The following RNF150 variants were observed in gnomAD, a reference collection of about 807,000 sequenced individuals.
The protein encoded by RNF150 is ring finger protein 150.
RNF150 carries 24 observed loss-of-function variants against 39.3 expected under a neutral mutation model. The observed-to-expected ratio is 0.61, with a 90% CI of 0.44 to 0.86. The LOEUF (loss-of-function observed/expected upper bound fraction) is 0.86. Ranked by LOEUF, RNF150 falls within the 40% of genes least tolerant of loss-of-function variation. The pLI is 0.00. For missense variants in RNF150, 502 were observed against 587.8 expected, an observed-to-expected ratio of 0.85 and a Z score of 1.51; for synonymous variants, 255 against 227.3, an observed-to-expected ratio of 1.12 and a Z score of -1.10.
At chr4:141,105,481 C>T (rs1237273625) in intron 1 of RNF150, among the ~76,000 whole-genome samples, 3 of 152,148 alleles carry the variant, frequency 2.0e-5, no homozygotes, top group Non-Finnish European at 4.4e-5. Context: ...TTTCCTCTAA[C>T]CAAAATGTTC....
chr4:140,995,225 T>G (rs529011627), intron 1 of RNF150, among the ~76,000 whole-genome samples: 123 of 152,230 alleles, frequency 8.1e-4, no homozygotes, highest in Non-Finnish European at 1.6e-3. Context: ...AGCCCAGGAA[T>G]GTTCTTGGCT....
chr4:140,950,712 A>G (rs1732509081), intron 2 of RNF150, among the ~76,000 whole-genome samples: 1 of 152,228 alleles, frequency 6.6e-6, no homozygotes, highest in Non-Finnish European at 1.5e-5. Context: ...GCCAATCAGA[A>G]TCACTAAGTA....
chr4:141,117,336 T>C (rs982279226), intron 1 of RNF150, among the ~76,000 whole-genome samples: 3 of 152,204 alleles, frequency 2.0e-5, no homozygotes, highest in African/African-American at 7.2e-5. Flanking sequence ...GGAAACAATG[T>C]TTCCAGACAG....
chr4:141,139,108 G>C (rs934479584), intron 1 of RNF150, among the ~76,000 whole-genome samples: 2 of 152,150 alleles, frequency 1.3e-5, no homozygotes, highest in Non-Finnish European at 2.9e-5. Flanking sequence ...CCAACTGCTT[G>C]GGAGGCTGAA....
At chr4:140,930,861 T>C (rs1345107486) in intron 4 of RNF150, among the ~76,000 whole-genome samples, 1 of 152,112 alleles carries the variant, frequency 6.6e-6, no homozygotes, top group African/African-American at 2.4e-5. Context: ...GACAAGGCCC[T>C]GCCCTTTAAG....
At chr4:140,912,192 T>C (rs1432038658) in intron 5 of RNF150, among the ~76,000 whole-genome samples, 1 of 152,232 alleles carries the variant, frequency 6.6e-6, no homozygotes, top group Non-Finnish European at 1.5e-5. Context: ...AGTTTTACTC[T>C]TTTATCTCAG....
At position 140,946,520 on chromosome 4, in the gene RNF150, G is replaced by A. The variant is rs192650843; in HGVS notation, c.890+1134C>T. Among the ~76,000 whole-genome samples, 240 of 151,964 alleles carry A rather than the reference G, an allele frequency of 1.6e-3. 2 individuals carry two copies. The highest frequency in any genetic ancestry group is 5.3e-3 in the African/African-American group (221 of 41,450). ...ACAAGGTCTCGCTGTCGCCCAGTGC[G>A]GTGGTGTGATCACTGGAGTGTAGTG... On this transcript the variant is annotated intron_variant, in intron 4 of 6. Coordinates refer to ENST00000515673, the MANE Select transcript of RNF150 (RefSeq NM_020724.2).
intron 6 of RNF150, among the ~76,000 whole-genome samples, chr4:140,878,443 G>A (rs1054788389): frequency 3.3e-5 from 5 of 152,014 alleles, no homozygotes; most frequent in African/African-American, 1.2e-4. Flanking sequence ...AAAGTGCTGG[G>A]ATTACAGGCG....
chr4:141,057,385 A>G (rs1737023035), intron 1 of RNF150, among the ~76,000 whole-genome samples: 1 of 152,048 alleles, frequency 6.6e-6, no homozygotes, highest in Non-Finnish European at 1.5e-5. Flanking sequence ...TATCAGCAAA[A>G]AGGTTCATGG....
upstream of RNF150, among the ~76,000 whole-genome samples, chr4:141,136,722 G>C (rs1250543803): frequency 6.6e-6 from 1 of 152,164 alleles, no homozygotes; most frequent in Non-Finnish European, 1.5e-5. Flanking sequence ...AAACAAAACA[G>C]ATAAGATTCT....
intron 3 of RNF150, 38 bp downstream of exon 3, chr4:140,949,263 A>G: frequency 6.5e-7 from 1 of 1,530,748 alleles, no homozygotes; most frequent in Non-Finnish European, 9.0e-7. Flanking sequence ...AGCTTCTTTG[A>G]ATAGCTCCTC....
upstream of RNF150, among the ~76,000 whole-genome samples, chr4:141,136,959 G>A (rs1363119785): frequency 6.6e-6 from 1 of 152,146 alleles, no homozygotes; most frequent in Non-Finnish European, 1.5e-5. Context: ...TTGGGGGACT[G>A]GTTTTACCAG....
At chr4:140,972,246 T>A (rs973958837) in intron 1 of RNF150, among the ~76,000 whole-genome samples, 2 of 152,164 alleles carry the variant, frequency 1.3e-5, no homozygotes, top group Admixed American at 1.3e-4. Context: ...GAAATTATTT[T>A]AAAAACTGCA....
At chr4:140,948,389 A>C (rs1732406624) in intron 3 of RNF150, among the ~76,000 whole-genome samples, 4 of 152,036 alleles carry the variant, frequency 2.6e-5, no homozygotes, top group African/African-American at 9.7e-5. Flanking sequence ...TGGAGTTGTA[A>C]ATCCCTTACA....
At chr4:140,989,209 AT>A (rs1734112331) in intron 1 of RNF150, among the ~76,000 whole-genome samples, 1 of 152,166 alleles carries the variant, frequency 6.6e-6, no homozygotes, top group Non-Finnish European at 1.5e-5. Context: ...TGTCTGGCAC[AT>A]CCCTGTTGGA....
chr4:140,868,221 C>T lies in RNF150; in HGVS notation c.*40G>A. 8.5e-7 allele frequency: 1 copy of T among 1,175,566 alleles called. No individual in the cohort carries two copies. Among genetic ancestry groups the T allele is most frequent in the Non-Finnish European group, 1.3e-6 (1 of 780,618 alleles). 72.8% of individuals were successfully genotyped at this position (1,175,566 alleles called of 1,614,324 possible). Reference sequence around the variant, plus strand: ...CTTGGAGCACTCTTCCCTTCCTTTCCCTTGGGTCCTACTATCTCTTTGCTT... The same window carrying T: ...CTTGGAGCACTCTTCCCTTCCTTTCTCTTGGGTCCTACTATCTCTTTGCTT... On this transcript the variant is annotated 3_prime_UTR_variant, in exon 7 of 7. Coordinates refer to ENST00000515673, the MANE Select transcript of RNF150 (RefSeq NM_020724.2).
intron 1 of RNF150, among the ~76,000 whole-genome samples, chr4:140,971,927 T>C (rs1409837674): frequency 6.6e-6 from 1 of 152,162 alleles, no homozygotes; most frequent in Non-Finnish European, 1.5e-5. Context: ...CTCCCTGGGT[T>C]TGTTTGATCA....
chr4:140,882,915 G>A (rs1729429437), intron 6 of RNF150, among the ~76,000 whole-genome samples: 1 of 152,000 alleles, frequency 6.6e-6, no homozygotes, highest in Non-Finnish European at 1.5e-5. Context: ...TACTGATAGG[G>A]AAGTACTTAT....
At chr4:141,174,998 T>C (rs1400178350) in intron 1 of RNF150, among the ~76,000 whole-genome samples, 1 of 152,036 alleles carries the variant, frequency 6.6e-6, no homozygotes, top group East Asian at 1.9e-4. Flanking sequence ...TCTTTTTACA[T>C]CACCTTCTGC....
Sources: gnomAD v4.1 joint callset for allele counts (sites outside exome capture counted in the v4.1 genomes callset) on GRCh38, gnomAD v4.1.1 for gene constraint, MANE v1.5 for transcripts, NCBI Gene and HGNC (gene_info 2026-07-23, HGNC 2026-07-21) for gene names.